Variants in PPARGC1A observed in about 807,000 individuals in gnomAD.
PPARGC1A encodes peroxisome proliferator-activated receptor gamma coactivator 1-alpha.
In PPARGC1A, 25 loss-of-function variants were observed where a neutral mutation model predicts 88.7. The ratio of observed to expected loss-of-function variants is 0.28; its 90% CI spans 0.21 to 0.39. The LOEUF (loss-of-function observed/expected upper bound fraction) is 0.39. Ranked by LOEUF, PPARGC1A falls within the 10% of genes least tolerant of loss-of-function variation. PPARGC1A has a pLI of 1.00. For missense variants in PPARGC1A, 880 were observed against 968.7 expected (o/e 0.91, Z 1.22); for synonymous variants, 363 against 355.6 (o/e 1.02, Z -0.24).
chr4:24,040,429 A>G, the PPARGC1A span, among the ~76,000 whole-genome samples: 1 of 152,224 alleles, frequency 6.6e-6, no homozygotes, highest in Non-Finnish European at 1.5e-5. Context: ...CAGAAAATTG[A>G]CTTCAAAACA....
At chr4:24,315,951 C>A in the PPARGC1A span, among the ~76,000 whole-genome samples, 1 of 152,174 alleles carries the variant, frequency 6.6e-6, no homozygotes, top group African/African-American at 2.4e-5. Flanking sequence ...TAGTTCCTAT[C>A]CAAGAGTTTT....
chr4:23,907,540 C>A (rs758865035), upstream of PPARGC1A, among the ~76,000 whole-genome samples: 1 of 152,038 alleles, frequency 6.6e-6, no homozygotes, highest in Non-Finnish European at 1.5e-5. Context: ...TTCAGTACAC[C>A]CTACCTCAAT....
chr4:24,430,105 C>A, the PPARGC1A span, among the ~76,000 whole-genome samples: 2 of 152,146 alleles, frequency 1.3e-5, no homozygotes, highest in Non-Finnish European at 2.9e-5. Flanking sequence ...TAGGACCCAG[C>A]ACTTTTTAAA....
At chr4:24,213,135 C>T in the PPARGC1A span, among the ~76,000 whole-genome samples, 105,312 of 149,300 alleles carry the variant, frequency 0.71, 39,913 homozygotes, top group Middle Eastern at 0.87. Flanking sequence ...CCCCGAGTCT[C>T]AGCTGGTCAG....
At chr4:24,072,991 C>CT in the PPARGC1A span, among the ~76,000 whole-genome samples, 1 of 152,020 alleles carries the variant, frequency 6.6e-6, no homozygotes, top group African/African-American at 2.4e-5. Context: ...AATGACTTAT[C>CT]TTTTTTCCCC....
At chr4:24,003,795 GA>G in the PPARGC1A span, among the ~76,000 whole-genome samples, 1 of 146,580 alleles carries the variant, frequency 6.8e-6, no homozygotes, top group Non-Finnish European at 1.5e-5. Flanking sequence ...AGGGTTTAAT[GA>G]AAAGAGGTGA....
chr4:23,862,313 C>T (rs1731350866), intron 2 of PPARGC1A, among the ~76,000 whole-genome samples: 1 of 152,240 alleles, frequency 6.6e-6, no homozygotes, highest in African/African-American at 2.4e-5. Flanking sequence ...TGAGAGGTTC[C>T]TGTGATTTTA....
At chr4:24,042,501 C>T in the PPARGC1A span, among the ~76,000 whole-genome samples, 1 of 152,160 alleles carries the variant, frequency 6.6e-6, no homozygotes. Flanking sequence ...CTGCATAATC[C>T]TTGATTCCTG....
At chr4:23,884,425 TAGAC>T (rs963062206) in intron 2 of PPARGC1A, 47 of 356,604 alleles carry the variant, frequency 1.3e-4, no homozygotes, top group Non-Finnish European at 1.8e-4. Flanking sequence ...CTGTGGGAAA[TAGAC>T]AGGAATAAAC....
chr4:24,066,849 G>GTTTTTTTTTTTTTTTTTTTTTTTTGTC, the PPARGC1A span, among the ~76,000 whole-genome samples: 1 of 100,880 alleles, frequency 9.9e-6, no homozygotes, highest in Non-Finnish European at 1.9e-5. Context: ...TTTGTTTTGG[G>GTTTTTTTTTTTTTTTTTTTTTTTTGTC]TTTTTTTTTT....
the PPARGC1A span, among the ~76,000 whole-genome samples, chr4:24,065,662 G>A: frequency 6.6e-6 from 1 of 152,138 alleles, no homozygotes; most frequent in South Asian, 2.1e-4. Flanking sequence ...GCCTACCCCA[G>A]GTTAGGCATT....
Position 23,845,436 on chromosome 4 carries a change from C to T in PPARGC1A, c.235-13685G>A, listed in dbSNP as rs904695506. Among the ~76,000 whole-genome samples the T allele has an allele frequency of 5.9e-5, 9 of 152,020 alleles. No homozygotes were observed. In the South Asian group the frequency reaches 6.2e-4, roughly 11 times the overall value. On this transcript the variant is annotated intron_variant, in intron 2 of 12. Transcript: ENST00000264867. ...GGATCTATATGGTATATTAAGATTGCGGACACTAAGATGCAGGTAACGTCA... is the reference window on the plus strand; with the variant it reads ...GGATCTATATGGTATATTAAGATTGTGGACACTAAGATGCAGGTAACGTCA...
the PPARGC1A span, among the ~76,000 whole-genome samples, chr4:23,935,182 G>A: frequency 6.6e-6 from 1 of 152,138 alleles, no homozygotes; most frequent in Non-Finnish European, 1.5e-5. Context: ...GGGAGGTAGG[G>A]TGAGCAGGAT....
the PPARGC1A span, among the ~76,000 whole-genome samples, chr4:24,088,689 T>A: frequency 6.6e-6 from 1 of 152,206 alleles, no homozygotes; most frequent in East Asian, 1.9e-4. Context: ...TAAAAAACAT[T>A]TTATTAAAGT....
chr4:23,869,671 C>T (rs941877542), intron 2 of PPARGC1A, among the ~76,000 whole-genome samples: 81 of 5,016 alleles, frequency 0.016, 1 homozygote, highest in Middle Eastern at 0.12. Flanking sequence ...AATGGCACGG[C>T]GGGGTGGGCG....
At chr4:24,149,716 A>G in the PPARGC1A span, among the ~76,000 whole-genome samples, 2 of 152,208 alleles carry the variant, frequency 1.3e-5, no homozygotes, top group Non-Finnish European at 2.9e-5. Flanking sequence ...TATGCCTGCC[A>G]TTCTAAATAA....
chr4:24,395,823 C>T, the PPARGC1A span, among the ~76,000 whole-genome samples: 1 of 152,202 alleles, frequency 6.6e-6, no homozygotes, highest in Non-Finnish European at 1.5e-5. Flanking sequence ...GTGGCAGGGC[C>T]TGGAAGGAAG....
chr4:24,093,166 T>C, the PPARGC1A span, among the ~76,000 whole-genome samples: 1 of 152,164 alleles, frequency 6.6e-6, no homozygotes. Flanking sequence ...GATGAAGACA[T>C]TTGCCTTGGT....
At chr4:24,221,770 T>C in the PPARGC1A span, among the ~76,000 whole-genome samples, 1 of 151,768 alleles carries the variant, frequency 6.6e-6, no homozygotes, top group Non-Finnish European at 1.5e-5. Context: ...AGACCCTCAC[T>C]CAAAAAATAA....
Sources: gnomAD v4.1 joint callset for allele counts (sites outside exome capture counted in the v4.1 genomes callset) on GRCh38, gnomAD v4.1.1 for gene constraint, MANE v1.5 for transcripts, NCBI Gene and HGNC (gene_info 2026-07-23, HGNC 2026-07-21) for gene names.